Variants in RIN2 observed in about 807,000 individuals in gnomAD.
The protein encoded by RIN2 is RAB5 interacting protein 2.
In RIN2, 36 loss-of-function variants were observed where a neutral mutation model predicts 78.0. The observed-to-expected ratio is 0.46, with a 90% confidence interval of 0.35 to 0.61. The LOEUF (loss-of-function observed/expected upper bound fraction) is 0.61. Among genes scored for constraint, RIN2 ranks in the 20% least tolerant of loss-of-function variants. The pLI is 0.00. For synonymous variants in RIN2, 466 were observed against 466.8 expected (o/e 1.00, Z 0.02); for missense variants, 1,087 against 1,159.7 (o/e 0.94, Z 0.91).
intron 12 of RIN2, among the ~76,000 whole-genome samples, chr20:19,999,882 T>C (rs926376149): frequency 6.6e-6 from 1 of 152,246 alleles, no homozygotes; most frequent in Admixed American, 6.5e-5. Flanking sequence ...TTCCACATTG[T>C]GCCCAGAGCC....
chr20:19,946,440 C>T (rs73126172), intron 4 of RIN2, among the ~76,000 whole-genome samples: 10,149 of 152,172 alleles, frequency 0.067, 462 homozygotes, highest in Non-Finnish European at 0.099. Context: ...CCCAGGCCGG[C>T]GCCGGGGTTC....
chr20:19,901,009 G>C (rs1242096735), intron 3 of RIN2, among the ~76,000 whole-genome samples: 1 of 139,726 alleles, frequency 7.2e-6, no homozygotes, highest in Non-Finnish European at 1.5e-5. Context: ...CAGACCCAGA[G>C]AATCAGAAAC....
chr20:19,893,053 G>A (rs1330259815), intron 3 of RIN2, among the ~76,000 whole-genome samples: 3 of 152,160 alleles, frequency 2.0e-5, no homozygotes, highest in Non-Finnish European at 1.5e-5. Flanking sequence ...AATAATCACA[G>A]CACCAGACAC....
chr20:19,995,122 A>G (rs1396085157), intron 11 of RIN2, among the ~76,000 whole-genome samples: 4 of 152,118 alleles, frequency 2.6e-5, no homozygotes, highest in Non-Finnish European at 5.9e-5. Flanking sequence ...CTTATTGACC[A>G]GAGAGAGGCT....
chr20:19,929,050 G>A (rs750674630), intron 3 of RIN2, among the ~76,000 whole-genome samples: 5 of 152,198 alleles, frequency 3.3e-5, no homozygotes, highest in Non-Finnish European at 7.3e-5. Flanking sequence ...GGTGTTTGAT[G>A]TAAGAACCAT....
chr20:19,789,286 A>C (rs1338259358), intron 1 of RIN2, among the ~76,000 whole-genome samples: 1 of 152,264 alleles, frequency 6.6e-6, no homozygotes, highest in Non-Finnish European at 1.5e-5. Flanking sequence ...TCATAGGCTT[A>C]AATGTTAAAA....
intron 3 of RIN2, among the ~76,000 whole-genome samples, chr20:19,901,956 T>C (rs911483710): frequency 1.8e-4 from 25 of 139,766 alleles, no homozygotes; most frequent in Admixed American, 7.2e-4. Context: ...GCGGAGGTTG[T>C]GATGAGCCAA....
chr20:19,936,977 A>G (rs1764341082), intron 4 of RIN2, among the ~76,000 whole-genome samples: 1 of 152,232 alleles, frequency 6.6e-6, no homozygotes, highest in South Asian at 2.1e-4. Context: ...CTACTGTTCT[A>G]AGTCGCTTAT....
intron 4 of RIN2, among the ~76,000 whole-genome samples, chr20:19,939,207 C>T (rs1218801877): frequency 6.6e-6 from 1 of 152,060 alleles, no homozygotes; most frequent in East Asian, 1.9e-4. Flanking sequence ...GCCAAAATGC[C>T]TGGCTAATTT....
intron 1 of RIN2, among the ~76,000 whole-genome samples, chr20:19,786,384 C>T (rs1360744122): frequency 2.0e-5 from 3 of 152,138 alleles, no homozygotes; most frequent in Non-Finnish European, 4.4e-5. Context: ...TAGCCCCGGG[C>T]AAACAGATCA....
chr20:19,875,311 A>G (rs2037822799), intron 2 of RIN2, among the ~76,000 whole-genome samples: 1 of 152,084 alleles, frequency 6.6e-6, no homozygotes. Context: ...GGCGCACGCT[A>G]CCATGCCCGG....
chr20:19,851,003 AAGG>A (rs2036943468), intron 2 of RIN2, among the ~76,000 whole-genome samples: 2 of 47,384 alleles, frequency 4.2e-5, no homozygotes, highest in African/African-American at 8.4e-5. Flanking sequence ...GGAAGGAAGG[AAGG>A]AAGGAAGGAA....
At chr20:19,858,737 A>G (rs1235309002) in intron 2 of RIN2, among the ~76,000 whole-genome samples, 1 of 152,146 alleles carries the variant, frequency 6.6e-6, no homozygotes, top group Non-Finnish European at 1.5e-5. Flanking sequence ...CCCATTCTCC[A>G]TAAGTTTTCC....
intron 3 of RIN2, among the ~76,000 whole-genome samples, chr20:19,911,068 G>A (rs1366164486): frequency 6.8e-6 from 1 of 146,756 alleles, no homozygotes; most frequent in African/African-American, 2.5e-5. Context: ...TTTTTTTTTT[G>A]AGACAAAGTT....
intron 2 of RIN2, among the ~76,000 whole-genome samples, chr20:19,861,899 G>C (rs114906595): frequency 0.014 from 2,020 of 139,334 alleles, 48 homozygotes; most frequent in African/African-American, 0.052. Context: ...CCCTCCATAT[G>C]TGATCACCCT....
intron 4 of RIN2, among the ~76,000 whole-genome samples, chr20:19,956,011 C>A (rs1839627147): frequency 6.6e-6 from 1 of 152,048 alleles, no homozygotes; most frequent in South Asian, 2.1e-4. Context: ...AATCCCAGCA[C>A]TTTGGAATGC....
intron 2 of RIN2, among the ~76,000 whole-genome samples, chr20:19,814,942 T>C (rs1280056480): frequency 6.6e-6 from 1 of 152,162 alleles, no homozygotes; most frequent in Non-Finnish European, 1.5e-5. Context: ...GGTGTTAGAA[T>C]AAACCAAATC....
chr20:19,960,640 T>C (rs2041711129), intron 5 of RIN2, 60 bp from the exon 6 acceptor site: 3 of 1,245,904 alleles, frequency 2.4e-6, no homozygotes, highest in Admixed American at 2.0e-5. Flanking sequence ...GGAAACCAGA[T>C]GCTTGGGTTC....
intron 2 of RIN2, among the ~76,000 whole-genome samples, chr20:19,887,470 T>TC (rs2038248998): frequency 6.6e-6 from 1 of 152,154 alleles, no homozygotes; most frequent in African/African-American, 2.4e-5. Context: ...TGCTCTCATT[T>TC]CCCTCTTGGA....
Sources: gnomAD v4.1 joint callset for allele counts (sites outside exome capture counted in the v4.1 genomes callset) on GRCh38, gnomAD v4.1.1 for gene constraint, MANE v1.5 for transcripts, NCBI Gene and HGNC (gene_info 2026-07-23, HGNC 2026-07-21) for gene names.